TNRC6B: variants seen among roughly 807,000 people sequenced by gnomAD.
TNRC6B encodes the protein trinucleotide repeat containing adaptor 6B, also known as trinucleotide repeat-containing gene 6B protein.
TNRC6B carries 52 observed loss-of-function variants against 203.6 expected under a neutral mutation model. The observed-to-expected ratio is 0.26, with a 90% CI of 0.20 to 0.32. TNRC6B has a LOEUF of 0.32. Among genes scored for constraint, TNRC6B ranks in the 10% least tolerant of loss-of-function variants. TNRC6B has a pLI of 1.00. For missense variants in TNRC6B, 1,923 were observed against 2,286.2 expected (o/e 0.84, Z 3.24); for synonymous variants, 838 against 845.7 (o/e 0.99, Z 0.16).
intron 1 of TNRC6B, chr22:40,106,752 C>A: frequency 2.6e-6 from 2 of 782,750 alleles, no homozygotes; most frequent in Non-Finnish European, 4.6e-6. Context: ...ACCTTTCGGA[C>A]CTTTGGGCTT....
intron 3 of TNRC6B, among the ~76,000 whole-genome samples, chr22:40,150,983 G>T (rs940152508): frequency 2.0e-5 from 3 of 152,106 alleles, no homozygotes; most frequent in African/African-American, 7.2e-5. Flanking sequence ...GCTCTTTAGG[G>T]TCTCGCTCTT....
intron 12 of TNRC6B, among the ~76,000 whole-genome samples, chr22:40,297,194 G>C (rs941739036): frequency 6.6e-6 from 1 of 152,156 alleles, no homozygotes; most frequent in African/African-American, 2.4e-5. Flanking sequence ...CTCTCTTTTG[G>C]ATGAGATGGA....
Position 40,312,900 on chromosome 22 carries a change from A to G in TNRC6B, c.4583-2A>G, listed in dbSNP as rs2071205689. The G allele has an allele frequency of 6.2e-7, 1 of 1,613,066 alleles. No individual in the cohort carries two copies. Among genetic ancestry groups the G allele is most frequent in the Non-Finnish European group, 8.5e-7 (1 of 1,179,398 alleles). On this transcript the variant is annotated splice_acceptor_variant, in intron 18 of 22. Transcript: ENST00000454349. LOFTEE classifies it high-confidence loss of function. ...TTTTCTTCTTGTTCTTTGTTACCCA[A>G]GGGTCTAATTCTTCCCTCAACACCT...
rs973988370 is a variant in TNRC6B, at chr22:40,331,257, G to C, written c.*8016G>C. The C allele has an allele frequency of 1.3e-5, 2 of 154,136 alleles. No individual in the cohort carries two copies. Among genetic ancestry groups the C allele is most frequent in the Non-Finnish European group, 2.9e-5 (2 of 69,122 alleles). 9.5% of individuals were successfully genotyped at this position (154,136 alleles called of 1,614,324 possible). A position where few individuals can be genotyped will look rare whatever the true frequency, so the allele number is the denominator to read the frequency against. On this transcript the variant is annotated 3_prime_UTR_variant, in exon 23 of 23. Coordinates refer to ENST00000454349, the MANE Select transcript of TNRC6B (RefSeq NM_001162501.2). Reference sequence around the variant, plus strand: ...CAGGGTATTACACACAAGGAAAAGGGGTTTTGAAGAGTTAAGATTGAAGTG... The same window carrying C: ...CAGGGTATTACACACAAGGAAAAGGCGTTTTGAAGAGTTAAGATTGAAGTG...
chr22:40,242,354 G>A (rs1176456085), intron 1 of TNRC6B, among the ~76,000 whole-genome samples: 1 of 152,080 alleles, frequency 6.6e-6, no homozygotes, highest in East Asian at 1.9e-4. Flanking sequence ...GTTCATTTGA[G>A]TTTTCTCCAT....
At chr22:40,130,398 A>G (rs574471036) in intron 3 of TNRC6B, among the ~76,000 whole-genome samples, 1 of 152,348 alleles carries the variant, frequency 6.6e-6, no homozygotes, top group Admixed American at 6.5e-5. Context: ...TGTAGAGTAC[A>G]CAGTTGAAGA....
intron 1 of TNRC6B, among the ~76,000 whole-genome samples, chr22:40,112,857 G>T (rs745761071): frequency 1.3e-5 from 2 of 152,122 alleles, no homozygotes; most frequent in African/African-American, 4.8e-5. Context: ...AGTGTTTCAC[G>T]CCTATAATTC....
Position 40,326,566 on chromosome 22 carries a change from G to GATCA in TNRC6B, c.*3326_*3327insTCAA, listed in dbSNP as rs1482544359. 6.6e-6 allele frequency: 1 copy of GATCA among 152,394 alleles called. No individual in the cohort carries two copies. The highest frequency in any genetic ancestry group is 1.5e-5 in the Non-Finnish European group (1 of 68,010). The allele number at this position is 152,394 out of a possible 1,614,324, so 9.4% of individuals were successfully genotyped here. ...CATCACTTTGTTCCTTTCCATTTGAGACTGAACTGAAATCTCCCCTAGTAA... is the reference window on the plus strand; with the variant it reads ...CATCACTTTGTTCCTTTCCATTTGAGATCAACTGAACTGAAATCTCCCCTAGTAA... On this transcript the variant is annotated 3_prime_UTR_variant, in exon 23 of 23. Coordinates refer to ENST00000454349, the MANE Select transcript of TNRC6B (RefSeq NM_001162501.2).
intron 1 of TNRC6B, among the ~76,000 whole-genome samples, chr22:40,220,652 T>TTTCCCATCTCCTTTCAC (rs1159870531): frequency 2.0e-5 from 3 of 152,230 alleles, no homozygotes; most frequent in Non-Finnish European, 4.4e-5. Flanking sequence ...CGGTGTTTCA[T>TTTCCCATCTCCTTTCAC]TTCCCATCTC....
intron 1 of TNRC6B, among the ~76,000 whole-genome samples, chr22:40,067,636 C>T (rs1296331443): frequency 6.6e-6 from 1 of 152,154 alleles, no homozygotes; most frequent in Non-Finnish European, 1.5e-5. Flanking sequence ...CCCCAAGAGG[C>T]TGCTGGTGCA....
chr22:40,262,907 G>A lies in TNRC6B; in HGVS notation c.457+734G>A, dbSNP rs113797305. Among the ~76,000 whole-genome samples, 1,135 of 152,136 alleles carry A rather than the reference G, an allele frequency of 7.5e-3. 7 individuals are homozygous for A. Among genetic ancestry groups the A allele is most frequent in the African/African-American group, 0.025 (1,045 of 41,484 alleles). ...ATAAAAAAATTAGCCAGGCATGGTGGCGGGCTCCTGTAGTCCCAGCTACTC... is the reference window on the plus strand; with the variant it reads ...ATAAAAAAATTAGCCAGGCATGGTGACGGGCTCCTGTAGTCCCAGCTACTC... On this transcript the variant is annotated intron_variant, in intron 4 of 22. Coordinates refer to ENST00000454349, the MANE Select transcript of TNRC6B (RefSeq NM_001162501.2).
rs369433977 is a variant in TNRC6B, at chr22:40,250,784, A to G, written c.94-395A>G. ...GGTTTTGCTTTTAGATTTCAGATCA[A>G]GTGTTTGTGTCTATACTCATAGGGG... On this transcript the variant is annotated intron_variant, in intron 2 of 22. Coordinates refer to ENST00000454349, the MANE Select transcript of TNRC6B (RefSeq NM_001162501.2). 3.3e-5 allele frequency among the ~76,000 whole-genome samples: 5 copies of G among 152,264 alleles called. No homozygotes were observed. The East Asian group carries it at 5.8e-4, about 18-fold the overall frequency.
At chr22:40,322,100 GA>G (rs2071341729) in intron 22 of TNRC6B, among the ~76,000 whole-genome samples, 2 of 152,328 alleles carry the variant, frequency 1.3e-5, no homozygotes, top group Admixed American at 1.3e-4. Flanking sequence ...TCCGGGGACT[GA>G]AGCCAGGTTG....
At chr22:40,299,172 A>T (rs1015900853) in intron 12 of TNRC6B, among the ~76,000 whole-genome samples, 1 of 151,772 alleles carries the variant, frequency 6.6e-6, no homozygotes, top group Non-Finnish European at 1.5e-5. Flanking sequence ...AAAAAAAAAA[A>T]AACAAAACTG....
At chr22:40,301,060 T>C (rs2071016393) in intron 14 of TNRC6B, 55 bp downstream of exon 14, 2 of 1,581,324 alleles carry the variant, frequency 1.3e-6, no homozygotes, top group East Asian at 2.3e-5. Context: ...ACATCCCGGC[T>C]TAGCCTCTGA....
chr22:40,129,505 C>T (rs897669686), intron 3 of TNRC6B, among the ~76,000 whole-genome samples: 1 of 151,972 alleles, frequency 6.6e-6, no homozygotes, highest in Admixed American at 6.6e-5. Flanking sequence ...TGATGTGACT[C>T]GAGGATGGAT....
intron 1 of TNRC6B, among the ~76,000 whole-genome samples, chr22:40,083,858 A>G (rs1425313503): frequency 6.6e-6 from 1 of 152,182 alleles, no homozygotes; most frequent in Non-Finnish European, 1.5e-5. Context: ...ATGAAGAGTC[A>G]TTGACATTAG....
At chr22:40,211,692 A>T (rs959344905) in intron 1 of TNRC6B, among the ~76,000 whole-genome samples, 12 of 152,274 alleles carry the variant, frequency 7.9e-5, no homozygotes, top group South Asian at 2.1e-4. Flanking sequence ...CCTTAGAGCC[A>T]GCCGTCCCAG....
Position 40,060,211 on chromosome 22 carries a change from ATTATTTTTATTATTTTT to A in TNRC6B, c.-121+15222_-121+15238del, listed in dbSNP as rs1208073375. Among the ~76,000 whole-genome samples the A allele has an allele frequency of 2.4e-4, 18 of 75,630 alleles. 2 individuals are homozygous for A. Among genetic ancestry groups the A allele is most frequent in the Admixed American group, 1.9e-3 (15 of 7,706 alleles). 49.6% of individuals were successfully genotyped at this position (75,630 alleles called of 152,430 possible). A position where few individuals can be genotyped will look rare whatever the true frequency, so the allele number is the denominator to read the frequency against. ...AAAAATGCACATGACTTTTTTTTTT[ATTATTTTTATTATTTTT>A]TTATTTTTTTGACAAAAAGTCTCAC... On this transcript the variant is annotated intron_variant, in intron 1 of 23. Coordinates refer to the TNRC6B transcript ENST00000301923.
Sources: gnomAD v4.1 joint callset for allele counts (sites outside exome capture counted in the v4.1 genomes callset) on GRCh38, gnomAD v4.1.1 for gene constraint, MANE v1.5 for transcripts, NCBI Gene and HGNC (gene_info 2026-07-23, HGNC 2026-07-21) for gene names.